Variants in NBEA observed in about 807,000 individuals in gnomAD.
The protein encoded by NBEA is lysosomal-trafficking regulator 2.
NBEA carries 44 observed loss-of-function variants against 343.4 expected under a neutral mutation model. That is an observed-to-expected ratio of 0.13 (90% confidence interval 0.10 to 0.16). The LOEUF (loss-of-function observed/expected upper bound fraction) is 0.16, where lower values mean the gene tolerates loss of function less well. NBEA is among the 10% of genes least tolerant of loss of function. The pLI is 1.00. For synonymous variants in NBEA, 1,175 were observed against 1,238.7 expected, an observed-to-expected ratio of 0.95 and a Z score of 1.08; for missense variants, 2,555 against 3,631.3, an observed-to-expected ratio of 0.70 and a Z score of 7.62.
intron 11 of NBEA, among the ~76,000 whole-genome samples, chr13:35,102,912 G>A (rs1276043552): frequency 6.6e-6 from 1 of 151,496 alleles, no homozygotes; most frequent in Non-Finnish European, 1.5e-5. Context: ...TACAGTGTTG[G>A]GATAAAAGTT....
intron 38 of NBEA, among the ~76,000 whole-genome samples, chr13:35,361,385 C>T (rs745746555): frequency 1.3e-5 from 2 of 152,050 alleles, no homozygotes; most frequent in East Asian, 3.8e-4. Context: ...AATGCAGAAG[C>T]GTTCTTTGTT....
intron 41 of NBEA, among the ~76,000 whole-genome samples, chr13:35,518,326 T>C (rs1003730492): frequency 2.0e-5 from 3 of 152,168 alleles, no homozygotes; most frequent in East Asian, 1.9e-4. Context: ...ATAACAACTA[T>C]AAAATGTAGG....
At chr13:35,395,083 T>G (rs977633813) in intron 38 of NBEA, among the ~76,000 whole-genome samples, 3 of 152,160 alleles carry the variant, frequency 2.0e-5, no homozygotes, top group African/African-American at 7.2e-5. Flanking sequence ...TGATTTATAC[T>G]TCAACTCCAT....
chr13:35,163,535 C>A (rs1443440666), intron 23 of NBEA, among the ~76,000 whole-genome samples: 4 of 151,360 alleles, frequency 2.6e-5, no homozygotes, highest in African/African-American at 9.7e-5. Flanking sequence ...CGGGAATCTC[C>A]TGGGCCCAGG....
chr13:35,476,106 A>C, intron 41 of NBEA: 3 of 1,614,148 alleles, frequency 1.9e-6, no homozygotes, highest in Non-Finnish European at 2.5e-6. Flanking sequence ...ATTTATTCAG[A>C]TGGTAGACCA....
intron 41 of NBEA, among the ~76,000 whole-genome samples, chr13:35,527,280 C>T (rs888135738): frequency 6.6e-6 from 1 of 152,124 alleles, no homozygotes; most frequent in Non-Finnish European, 1.5e-5. Flanking sequence ...GCCGAACGGT[C>T]ATCAATGAAG....
At chr13:35,043,667 A>G (rs1257724583) in intron 2 of NBEA, among the ~76,000 whole-genome samples, 1 of 151,828 alleles carries the variant, frequency 6.6e-6, no homozygotes, top group Non-Finnish European at 1.5e-5. Context: ...CAATTTTGTC[A>G]TAGAGATTAT....
intron 1 of NBEA, among the ~76,000 whole-genome samples, chr13:34,987,260 C>G (rs1259950770): frequency 6.6e-6 from 1 of 150,808 alleles, no homozygotes; most frequent in Non-Finnish European, 1.5e-5. Context: ...CTTATGAAGC[C>G]TAGTTTGGCT....
At chr13:35,531,683 G>A (rs925419214) in intron 41 of NBEA, among the ~76,000 whole-genome samples, 1 of 152,174 alleles carries the variant, frequency 6.6e-6, no homozygotes, top group African/African-American at 2.4e-5. Flanking sequence ...TGAGCACACA[G>A]TTCCCATAGA....
rs149976365 is a variant in NBEA, at chr13:35,245,681, T to C, written c.5776+13062T>C. ...TGTTAATCTGATATGTTTTCCTTTA[T>C]AGGTTACCTGATGCTTTTGCCCAAC... is the stretch of plus-strand genomic sequence containing the variant. On this transcript the variant is annotated intron_variant, in intron 34 of 58. Transcript: ENST00000379939. Among the ~76,000 whole-genome samples the C allele has an allele frequency of 2.1e-3, 324 of 152,336 alleles. 1 individual carries two copies. Among genetic ancestry groups the C allele is most frequent in the African/African-American group, 7.2e-3 (300 of 41,580 alleles).
chr13:35,355,949 T>C (rs991312627), intron 38 of NBEA, among the ~76,000 whole-genome samples: 4 of 152,012 alleles, frequency 2.6e-5, no homozygotes, highest in South Asian at 2.1e-4. Flanking sequence ...ATTTTACTTA[T>C]ATATTATTTT....
chr13:35,544,812 C>T (rs1255318296), intron 41 of NBEA, among the ~76,000 whole-genome samples: 1 of 152,100 alleles, frequency 6.6e-6, no homozygotes, highest in Non-Finnish European at 1.5e-5. Flanking sequence ...GGTCAAGATG[C>T]TTTAATATTC....
intron 34 of NBEA, among the ~76,000 whole-genome samples, chr13:35,242,235 A>G (rs1369951902): frequency 1.3e-5 from 2 of 151,944 alleles, no homozygotes; most frequent in Non-Finnish European, 2.9e-5. Flanking sequence ...TTTAAAAGCA[A>G]AAACTAATTT....
chr13:35,418,961 G>T (rs1443058756), intron 38 of NBEA, among the ~76,000 whole-genome samples: 1 of 151,866 alleles, frequency 6.6e-6, no homozygotes, highest in Non-Finnish European at 1.5e-5. Context: ...ATATCTTGGG[G>T]ATGGGACCCA....
chr13:35,566,755 C>T, intron 44 of NBEA, 150 bp from the exon 45 acceptor site: 1 of 510,904 alleles, frequency 2.0e-6, no homozygotes, highest in South Asian at 2.6e-5. Flanking sequence ...AGTGAATTCC[C>T]TTGAAATGCA....
At chr13:35,355,555 T>A (rs957540108) in intron 38 of NBEA, among the ~76,000 whole-genome samples, 1 of 152,158 alleles carries the variant, frequency 6.6e-6, no homozygotes, top group South Asian at 2.1e-4. Context: ...TGCAGAAAGT[T>A]CTTTTGAACG....
chr13:35,560,318 C>T (rs906661328), intron 44 of NBEA, among the ~76,000 whole-genome samples: 2 of 152,156 alleles, frequency 1.3e-5, no homozygotes, highest in African/African-American at 4.8e-5. Flanking sequence ...GCTTTTAAAA[C>T]CTAAATAATT....
intron 58 of NBEA, among the ~76,000 whole-genome samples, chr13:35,669,859 G>A (rs2085525927): frequency 6.6e-6 from 1 of 151,976 alleles, no homozygotes. Flanking sequence ...AGGAAGGGAT[G>A]AACTCTTCTT....
At chr13:35,021,140 G>T (rs2061824726) in intron 1 of NBEA, among the ~76,000 whole-genome samples, 1 of 151,822 alleles carries the variant, frequency 6.6e-6, no homozygotes, top group Non-Finnish European at 1.5e-5. Flanking sequence ...TCTGCATAGG[G>T]TTATTTTTGT....
Sources: gnomAD v4.1 joint callset for allele counts (sites outside exome capture counted in the v4.1 genomes callset) on GRCh38, gnomAD v4.1.1 for gene constraint, MANE v1.5 for transcripts, NCBI Gene and HGNC (gene_info 2026-07-23, HGNC 2026-07-21) for gene names.